The following RERE variants were observed in gnomAD, a reference collection of about 807,000 sequenced individuals.
The protein encoded by RERE is arginine-glutamic acid dipeptide repeats protein.
A neutral mutation model predicts 146.1 loss-of-function variants in RERE; 40 were observed. The observed-to-expected ratio is 0.27, with a 90% CI of 0.21 to 0.36. RERE has a LOEUF of 0.36. RERE is among the 10% of genes least tolerant of loss of function. The pLI is 1.00. For synonymous variants in RERE, 1,003 were observed against 866.0 expected (o/e 1.16, Z -2.78); for missense variants, 1,933 against 2,138.7 (o/e 0.90, Z 1.90).
intron 12 of RERE, among the ~76,000 whole-genome samples, chr1:8,388,752 AAT>A (rs3050831): frequency 0.72 from 108,829 of 152,056 alleles, 39,316 homozygotes; most frequent in East Asian, 0.91. Context: ...AAGATTGTCA[AAT>A]ATATTCCAAT....
chr1:8,719,340 A>C (rs947880481), intron 1 of RERE, among the ~76,000 whole-genome samples: 3 of 152,206 alleles, frequency 2.0e-5, no homozygotes, highest in African/African-American at 7.2e-5. Flanking sequence ...CACTCTGTTC[A>C]ATGATTTTGA....
At chr1:8,642,823 C>A (rs1647197522) in intron 2 of RERE, among the ~76,000 whole-genome samples, 1 of 152,148 alleles carries the variant, frequency 6.6e-6, no homozygotes, top group African/African-American at 2.4e-5. Flanking sequence ...AAAGTCCTCC[C>A]ATCAACTGCT....
At chr1:8,459,719 G>A (rs1644502448) in intron 11 of RERE, among the ~76,000 whole-genome samples, 1 of 152,164 alleles carries the variant, frequency 6.6e-6, no homozygotes, top group Admixed American at 6.5e-5. Flanking sequence ...ACTGTGAGAC[G>A]ACGTGTTAGT....
At chr1:8,623,483 C>T (rs1646939649) in intron 3 of RERE, among the ~76,000 whole-genome samples, 1 of 152,152 alleles carries the variant, frequency 6.6e-6, no homozygotes, top group Admixed American at 6.5e-5. Context: ...TGGTTCTTAA[C>T]TGTGTATTGC....
intron 1 of RERE, among the ~76,000 whole-genome samples, chr1:8,804,316 A>G (rs1180293194): frequency 1.3e-5 from 2 of 152,212 alleles, no homozygotes; most frequent in Non-Finnish European, 2.9e-5. Context: ...AGATCAAGAC[A>G]AATTTCAGTG....
intron 1 of RERE, among the ~76,000 whole-genome samples, chr1:8,781,601 T>C (rs898159858): frequency 6.6e-6 from 1 of 151,624 alleles, no homozygotes; most frequent in African/African-American, 2.4e-5. Flanking sequence ...GGGAAAGTTA[T>C]TGAATCTCTC....
chr1:8,386,015 T>A (rs1570112033), intron 12 of RERE, among the ~76,000 whole-genome samples: 2 of 41,208 alleles, frequency 4.9e-5, no homozygotes, highest in African/African-American at 1.0e-4. Flanking sequence ...TATATATATA[T>A]ATATATATTT....
At chr1:8,671,089 T>C (rs1387043882) in intron 1 of RERE, among the ~76,000 whole-genome samples, 1 of 152,212 alleles carries the variant, frequency 6.6e-6, no homozygotes, top group African/African-American at 2.4e-5. Context: ...TATTAAGATG[T>C]ATGTGTTGAG....
rs1389003565 is a variant in RERE, at chr1:8,358,864, C to T, written c.3671G>A (p.Gly1224Asp). The change falls in exon 20 of 23, where the codon GGT becomes GAT. Residue 1224 changes from glycine (G) to aspartate (D), a missense_variant. By Grantham distance (94) the Gly-to-Asp change is moderately conservative. Around this residue, in one of 11 missense-constraint regions of RERE, gnomAD observed 1,255 missense variants for 1,153.8 expected, o/e 1.09. Transcript: ENST00000400908. ...EGRLSDPQLS[G>D]PGHMRPSFEP... ...GAAGGATGGCCGCATGTGGCCAGGACCACTGAGCTGTGGGTCACTGAGGCG... is the reference window on the plus strand; with the variant it reads ...GAAGGATGGCCGCATGTGGCCAGGATCACTGAGCTGTGGGTCACTGAGGCG... 1.3e-6 allele frequency: 2 copies of T among 1,587,398 alleles called. No individual in the cohort carries two copies. Among genetic ancestry groups the T allele is most frequent in the South Asian group, 2.3e-5 (2 of 87,490 alleles).
At chr1:8,528,245 C>A (rs1162948463) in intron 7 of RERE, among the ~76,000 whole-genome samples, 1 of 152,012 alleles carries the variant, frequency 6.6e-6, no homozygotes, top group East Asian at 1.9e-4. Context: ...CATAAAAAAT[C>A]TTTAAAAAAG....
intron 9 of RERE, among the ~76,000 whole-genome samples, chr1:8,497,185 C>T (rs945967037): frequency 2.6e-5 from 4 of 152,028 alleles, no homozygotes; most frequent in Non-Finnish European, 4.4e-5. Context: ...GGGGCAAACA[C>T]CAAGAAGAAA....
chr1:8,766,679 G>A (rs1021342396), intron 1 of RERE, among the ~76,000 whole-genome samples: 1 of 152,078 alleles, frequency 6.6e-6, no homozygotes, highest in African/African-American at 2.4e-5. Flanking sequence ...GTGGGGAGAA[G>A]AGAAGGAATC....
chr1:8,683,555 T>G (rs1389732435), intron 1 of RERE, among the ~76,000 whole-genome samples: 1 of 152,168 alleles, frequency 6.6e-6, no homozygotes, highest in Non-Finnish European at 1.5e-5. Context: ...GTGCTGCTTT[T>G]AACAGAATAC....
At chr1:8,525,804 G>A (rs758704338) in intron 7 of RERE, 10 of 1,583,174 alleles carry the variant, frequency 6.3e-6, no homozygotes, top group Non-Finnish European at 7.7e-6. Context: ...GGGCTCTGGT[G>A]AGTCTAGCTG....
Position 8,365,833 on chromosome 1 carries a change from T to C in RERE, c.1426A>G (p.Arg476Gly). The C allele has an allele frequency of 6.2e-7, 1 of 1,614,200 alleles. No homozygotes were observed. Among genetic ancestry groups the C allele is most frequent in the Non-Finnish European group, 8.5e-7 (1 of 1,180,036 alleles). The stretch of plus-strand genomic sequence containing the variant: ...TCACAGAATTCACTGGACGGGGGTC[T>C]GGAGGGTGTGTTGACGGGTGTGGAC... ...TASTPVNTPS[R>G]PPSSEFLDLS... is the part of the protein sequence containing the mutation. The change falls in exon 13 of 23, where the codon AGA becomes GGA. Residue 476 changes from arginine (R) to glycine (G), a missense_variant. Transcript: ENST00000400908.
intron 1 of RERE, among the ~76,000 whole-genome samples, chr1:8,685,056 C>T (rs1639054884): frequency 6.6e-6 from 1 of 151,978 alleles, no homozygotes; most frequent in Non-Finnish European, 1.5e-5. Context: ...CAAGGTCTCA[C>T]TATGTTACTC....
chr1:8,494,294 T>G (rs1165309069), intron 10 of RERE, among the ~76,000 whole-genome samples: 1 of 152,228 alleles, frequency 6.6e-6, no homozygotes, highest in Non-Finnish European at 1.5e-5. Context: ...TCCCTCCATG[T>G]GCTTTAAAAT....
At chr1:8,728,463 C>CAAA (rs529828973) in intron 1 of RERE, among the ~76,000 whole-genome samples, 13 of 136,162 alleles carry the variant, frequency 9.5e-5, no homozygotes, top group Admixed American at 5.8e-4. Context: ...AAGAGACCAT[C>CAAA]AAAAAAAAAA....
intron 12 of RERE, among the ~76,000 whole-genome samples, chr1:8,384,751 T>A (rs951756972): frequency 3.3e-5 from 5 of 152,204 alleles, no homozygotes; most frequent in African/African-American, 1.2e-4. Context: ...TCCAGAAGGC[T>A]ACTAATAAAG....
Sources: gnomAD v4.1 joint callset for allele counts (sites outside exome capture counted in the v4.1 genomes callset) on GRCh38, gnomAD v4.1.1 for gene constraint, gnomAD v4.1.1 regional missense constraint, MANE v1.5 for transcripts, NCBI Gene and HGNC (gene_info 2026-07-23, HGNC 2026-07-21) for gene names.